Variants in IRAG2 observed in about 807,000 individuals in gnomAD.
IRAG2 encodes the protein lymphoid restricted membrane protein.
Under a neutral mutation model 69.9 loss-of-function variants are expected in IRAG2, and 45 were observed. That is an observed-to-expected ratio of 0.64 (90% CI 0.51 to 0.83). IRAG2 has a LOEUF of 0.83. Among genes scored for constraint, IRAG2 ranks in the 40% least tolerant of loss-of-function variants. The pLI, the probability that IRAG2 is intolerant of heterozygous loss-of-function variation, is 0.00. For missense variants in IRAG2, 520 were observed against 587.0 expected (o/e 0.89, Z 1.18); for synonymous variants, 193 against 202.4 (o/e 0.95, Z 0.40).
chr12:25,032,630 G>GAACT (rs1258639468), intron 12 of IRAG2, among the ~76,000 whole-genome samples: 1 of 152,154 alleles, frequency 6.6e-6, no homozygotes, highest in Non-Finnish European at 1.5e-5. Context: ...TTGGAGGCTG[G>GAACT]AACTCCAAGA....
At chr12:25,090,986 G>C (rs957071234) in intron 14 of IRAG2, 3 of 313,426 alleles carry the variant, frequency 9.6e-6, no homozygotes, top group Non-Finnish European at 1.9e-5. Context: ...GAGAAGAATG[G>C]GGGTGCAGAG....
intron 6 of IRAG2, chr12:25,020,730 A>C: frequency 1.3e-6 from 1 of 766,724 alleles, no homozygotes. Context: ...GGCTGTTCTT[A>C]GTGTCTTTGA....
At position 25,075,521 on chromosome 12, in the gene IRAG2, C is replaced by CGTGTGTGT. The variant is rs747046833; in HGVS notation, c.25-3694_25-3687dup. Among the ~76,000 whole-genome samples the CGTGTGTGT allele has an allele frequency of 6.2e-3, 861 of 139,360 alleles. 7 individuals are homozygous for CGTGTGTGT. The highest frequency in any genetic ancestry group is 0.014 in the African/African-American group (521 of 38,274). The allele number at this position is 139,360 out of a possible 152,430, so 91.4% of individuals were successfully genotyped here. On this transcript the variant is annotated intron_variant, in intron 6 of 21. Transcript: ENST00000556887. ...AATAATATTGCTGTGTGTGTGTATG[C>CGTGTGTGT]GTGTGTGTGTGTGTGTGTGTGTGTG... is the stretch of plus-strand genomic sequence containing the variant.
intron 6 of IRAG2, among the ~76,000 whole-genome samples, chr12:25,070,519 C>T (rs551837849): frequency 1.9e-3 from 283 of 152,294 alleles, no homozygotes; most frequent in African/African-American, 6.2e-3. Context: ...ATACACACCA[C>T]ATTTTGTTTT....
chr12:25,023,032 A>G (rs1358012427), intron 7 of IRAG2, among the ~76,000 whole-genome samples: 2 of 151,818 alleles, frequency 1.3e-5, no homozygotes, highest in African/African-American at 2.4e-5. Flanking sequence ...AGGCTGAGGC[A>G]GGAGAATCAC....
chr12:25,004,506 A>G, exon 1 of IRAG2: 3 of 1,232,136 alleles, frequency 2.4e-6, no homozygotes, highest in Non-Finnish European at 3.0e-6. Context: ...ACACCAAGAA[A>G]TATTTTGAAG....
chr12:25,105,137 C>T lies in IRAG2; in HGVS notation c.1148+675C>T, dbSNP rs372646146. Among the ~76,000 whole-genome samples, 8 of 141,386 alleles carry T rather than the reference C, an allele frequency of 5.7e-5. No individual in the cohort carries two copies. In the East Asian group the frequency reaches 8.5e-4, roughly 15 times the overall value. The allele number at this position is 141,386 out of a possible 152,430, so 92.8% of individuals were successfully genotyped here. On this transcript the variant is annotated intron_variant, in intron 20 of 21. Transcript: ENST00000556887. ...TGTCACCCAGGCTGGAGTGCAGTGG[C>T]GCGATCTTAGCTCACTGCAACCTCC...
intron 16 of IRAG2, among the ~76,000 whole-genome samples, chr12:25,041,955 C>CTGTGTGTGTG (rs59225610): frequency 1.4e-4 from 21 of 148,460 alleles, no homozygotes; most frequent in Admixed American, 3.4e-4. Context: ...TTTGTTTCAG[C>CTGTGTGTGTG]TGTGTGTGTG....
At chr12:25,010,402 A>G (rs1238077822) in intron 2 of IRAG2, among the ~76,000 whole-genome samples, 2 of 152,106 alleles carry the variant, frequency 1.3e-5, no homozygotes, top group African/African-American at 4.8e-5. Flanking sequence ...GCTTAAGCCC[A>G]AGAGATTGAG....
chr12:25,038,261 G>C (rs995878253), intron 16 of IRAG2: 2 of 393,874 alleles, frequency 5.1e-6, no homozygotes, highest in Admixed American at 4.4e-5. Flanking sequence ...ACTTTTTTCA[G>C]AGAAGATATT....
chr12:25,012,939 G>T (rs1463855), intron 3 of IRAG2, among the ~76,000 whole-genome samples: 42,913 of 152,008 alleles, frequency 0.28, 7,715 homozygotes, highest in Admixed American at 0.45. Context: ...GCCATACACA[G>T]GTTATTCATG....
At chr12:25,025,016 G>C (rs1944610368) in intron 8 of IRAG2, among the ~76,000 whole-genome samples, 1 of 152,200 alleles carries the variant, frequency 6.6e-6, no homozygotes, top group South Asian at 2.1e-4. Flanking sequence ...CTGATGCATT[G>C]TGAAGAGTAA....
intron 6 of IRAG2, among the ~76,000 whole-genome samples, chr12:25,072,330 A>G (rs960866164): frequency 3.3e-5 from 5 of 152,204 alleles, no homozygotes; most frequent in African/African-American, 7.2e-5. Context: ...GTAGTTTGCA[A>G]CAGCCCAGGA....
chr12:25,072,647 A>C (rs859140), intron 6 of IRAG2, among the ~76,000 whole-genome samples: 152,062 of 152,330 alleles, frequency 1, 75,897 homozygotes, highest in Middle Eastern at 1. Flanking sequence ...CCCAGTGGAC[A>C]CCCCAGACGA....
intron 2 of IRAG2, among the ~76,000 whole-genome samples, chr12:25,010,066 C>T (rs780009742): frequency 6.6e-6 from 1 of 152,204 alleles, no homozygotes; most frequent in African/African-American, 2.4e-5. Context: ...TTAACCATTA[C>T]AGGAGGCCTT....
At chr12:25,007,396 T>C (rs1020015548) in intron 2 of IRAG2, among the ~76,000 whole-genome samples, 3 of 152,250 alleles carry the variant, frequency 2.0e-5, no homozygotes, top group African/African-American at 7.2e-5. Context: ...ATCCTTTTTT[T>C]CTTAAACAGT....
intron 6 of IRAG2, chr12:25,020,746 A>G (rs1944571875): frequency 7.6e-6 from 7 of 921,844 alleles, no homozygotes; most frequent in Non-Finnish European, 9.9e-6. Context: ...TTTGACGGTT[A>G]TATTTGAGGT....
intron 1 of IRAG2, among the ~76,000 whole-genome samples, chr12:25,053,424 T>C (rs1276266385): frequency 6.6e-6 from 1 of 152,042 alleles, no homozygotes; most frequent in Non-Finnish European, 1.5e-5. Context: ...TCAGTGTATA[T>C]CAAAATATCA....
At chr12:25,047,038 A>G (rs1476945016) in intron 16 of IRAG2, among the ~76,000 whole-genome samples, 1 of 152,210 alleles carries the variant, frequency 6.6e-6, no homozygotes, top group Non-Finnish European at 1.5e-5. Context: ...TAGATGGTCA[A>G]TTGATCTTCA....
Sources: allele counts gnomAD v4.1 joint callset (sites outside exome capture counted in the v4.1 genomes callset), GRCh38; gene constraint gnomAD v4.1.1; transcripts MANE v1.5; gene names NCBI Gene and HGNC (gene_info 2026-07-23, HGNC 2026-07-21).